WNT3A: variants seen among roughly 807,000 people sequenced by gnomAD.
WNT3A encodes the protein protein Wnt-3a.
In WNT3A, 17 loss-of-function variants were observed where a neutral mutation model predicts 37.0. That is an observed-to-expected ratio of 0.46 (90% CI 0.31 to 0.69). The LOEUF (loss-of-function observed/expected upper bound fraction) is 0.69, where lower values mean the gene tolerates loss of function less well. WNT3A is among the 30% of genes least tolerant of loss of function. The pLI is 0.05. For synonymous variants in WNT3A, 187 were observed against 211.0 expected, an observed-to-expected ratio of 0.89 and a Z score of 0.99; for missense variants, 411 against 510.2, an observed-to-expected ratio of 0.81 and a Z score of 1.87.
intron 3 of WNT3A, among the ~76,000 whole-genome samples, chr1:228,056,958 T>C (rs892241579): frequency 6.6e-6 from 1 of 152,194 alleles, no homozygotes; most frequent in Non-Finnish European, 1.5e-5. Context: ...GTAGAAAAGA[T>C]TGTTTTTAGA....
chr1:228,024,439 T>C (rs1230504894), intron 2 of WNT3A, among the ~76,000 whole-genome samples: 1 of 152,258 alleles, frequency 6.6e-6, no homozygotes, highest in Non-Finnish European at 1.5e-5. Context: ...CACCATTTCA[T>C]GGGCTTTGGG....
At chr1:228,054,200 T>C (rs981931947) in intron 3 of WNT3A, among the ~76,000 whole-genome samples, 6 of 152,160 alleles carry the variant, frequency 3.9e-5, no homozygotes, top group Admixed American at 3.9e-4. Context: ...TCTCAAAACC[T>C]GAACTTGGAT....
At position 228,060,082 on chromosome 1, in the gene WNT3A, T is replaced by A; in HGVS notation, c.*617T>A. ...TGGCTCTGGGTGGGCGTGGCCTGCA[T>A]AGGCTCCTTCCTGTGGGTGGGGCTT... On this transcript the variant is annotated 3_prime_UTR_variant, in exon 4 of 4. Coordinates refer to ENST00000284523, the MANE Select transcript of WNT3A (RefSeq NM_033131.4). 1 of 1,235,686 alleles carries A rather than the reference T, an allele frequency of 8.1e-7. No homozygotes were observed. Among genetic ancestry groups the A allele is most frequent in the Non-Finnish European group, 1.0e-6 (1 of 962,478 alleles). 76.5% of individuals were successfully genotyped at this position (1,235,686 alleles called of 1,614,324 possible).
At chr1:228,052,699 G>A (rs2031581604) in intron 3 of WNT3A, among the ~76,000 whole-genome samples, 1 of 152,214 alleles carries the variant, frequency 6.6e-6, no homozygotes, top group Non-Finnish European at 1.5e-5. Context: ...TTTTAACAGT[G>A]AGGAACTAGA....
At chr1:228,029,749 C>T (rs554758294) in intron 2 of WNT3A, among the ~76,000 whole-genome samples, 9 of 151,320 alleles carry the variant, frequency 5.9e-5, no homozygotes, top group African/African-American at 1.9e-4. Flanking sequence ...CACCCCCCCC[C>T]CAATTCCTAC....
chr1:228,007,759 C>T lies in WNT3A; in HGVS notation c.71+560C>T, dbSNP rs2030243858. ...GCGGCGGGGCGCACTGGGGGCCGGC[C>T]CTGGGCCCCGCGCGCCTCCCCGCCG... On this transcript the variant is annotated intron_variant, in intron 1 of 3. Transcript: ENST00000284523. This position sits in a 1 kb window ranked among gnomAD's most constrained non-coding sequence, Gnocchi z 6.0. Among the ~76,000 whole-genome samples, 2 of 152,030 alleles carry T rather than the reference C, an allele frequency of 1.3e-5. No individual in the cohort carries two copies. The highest frequency in any genetic ancestry group is 6.6e-5 in the Admixed American group (1 of 15,262).
intron 1 of WNT3A, among the ~76,000 whole-genome samples, chr1:228,011,959 A>G (rs1300456480): frequency 1.3e-5 from 2 of 152,212 alleles, no homozygotes; most frequent in Non-Finnish European, 2.9e-5. Context: ...CAGAGTGCAA[A>G]GCTCCTCCTG....
At chr1:228,054,628 A>G (rs1192249969) in intron 3 of WNT3A, among the ~76,000 whole-genome samples, 1 of 110,076 alleles carries the variant, frequency 9.1e-6, no homozygotes, top group Non-Finnish European at 1.9e-5. Flanking sequence ...ACTCTGTCTC[A>G]AAAAAAAAAA....
At chr1:228,027,782 G>T (rs2030888633) in intron 2 of WNT3A, among the ~76,000 whole-genome samples, 1 of 152,108 alleles carries the variant, frequency 6.6e-6, no homozygotes, top group South Asian at 2.1e-4. Context: ...ATTCAATTAG[G>T]TCCCATTTAT....
chr1:228,043,056 A>T (rs2031326769), intron 2 of WNT3A, among the ~76,000 whole-genome samples: 2 of 151,262 alleles, frequency 1.3e-5, no homozygotes. Flanking sequence ...ACGATAGATG[A>T]ATGGATAGAT....
chr1:228,044,613 A>G (rs2031359902), intron 2 of WNT3A, among the ~76,000 whole-genome samples: 1 of 152,202 alleles, frequency 6.6e-6, no homozygotes. Context: ...GCCTTCATGC[A>G]TCATCCCTGG....
rs767574581 is a variant in WNT3A at position 228,008,225 on chromosome 1, C to A, written c.71+1026C>A. 1.3e-5 allele frequency among the ~76,000 whole-genome samples: 2 copies of A among 152,154 alleles called. No individual in the cohort carries two copies. Among genetic ancestry groups the A allele is most frequent in the African/African-American group, 4.8e-5 (2 of 41,430 alleles). Reference sequence around the variant, plus strand: ...TGTGGGCGCGCAGGGCCGGGCGCAGCGCTGGTAGGACCCACAGTTGGAGAG... The same window carrying A: ...TGTGGGCGCGCAGGGCCGGGCGCAGAGCTGGTAGGACCCACAGTTGGAGAG... On this transcript the variant is annotated intron_variant, in intron 1 of 3. Transcript: ENST00000284523. This position sits in a 1 kb window ranked among gnomAD's most constrained non-coding sequence, Gnocchi z 4.9.
intron 3 of WNT3A, among the ~76,000 whole-genome samples, chr1:228,056,354 G>C (rs2031683141): frequency 6.6e-6 from 1 of 152,162 alleles, no homozygotes; most frequent in South Asian, 2.1e-4. Context: ...TTCGAAAGAT[G>C]ATCATTAATA....
At chr1:228,044,353 C>G (rs1468416572) in intron 2 of WNT3A, among the ~76,000 whole-genome samples, 1 of 152,192 alleles carries the variant, frequency 6.6e-6, no homozygotes, top group Non-Finnish European at 1.5e-5. Flanking sequence ...GGACGTCACT[C>G]AGCTTTCCTT....
chr1:228,036,101 C>T (rs1050028588), intron 2 of WNT3A, among the ~76,000 whole-genome samples: 3 of 152,170 alleles, frequency 2.0e-5, no homozygotes, highest in Admixed American at 1.3e-4. Context: ...TCTCCATAAT[C>T]ATATGATTGG....
At chr1:228,029,215 C>T (rs937939208) in intron 2 of WNT3A, among the ~76,000 whole-genome samples, 33 of 152,296 alleles carry the variant, frequency 2.2e-4, no homozygotes, top group African/African-American at 7.9e-4. Flanking sequence ...CGGTACTAAC[C>T]GTTTGTGTCT....
chr1:228,009,209 G>A (rs1307513192), intron 1 of WNT3A, among the ~76,000 whole-genome samples: 1 of 152,018 alleles, frequency 6.6e-6, no homozygotes, highest in Non-Finnish European at 1.5e-5. Context: ...GGCTCCCTGG[G>A]GACAAGTCTG....
Position 228,059,760 on chromosome 1 carries a change from C to G in WNT3A, c.*295C>G. Reference sequence around the variant, plus strand: ...GGGACGGGGCTCCCCTGGACAGAGGCGGGGCTACAGATTGGGCGGGGCTTC... The same window carrying G: ...GGGACGGGGCTCCCCTGGACAGAGGGGGGGCTACAGATTGGGCGGGGCTTC... On this transcript the variant is annotated 3_prime_UTR_variant, in exon 4 of 4. Transcript: ENST00000284523. 1 of 1,164,688 alleles carries G rather than the reference C, an allele frequency of 8.6e-7. No individual in the cohort carries two copies. Among genetic ancestry groups the G allele is most frequent in the Non-Finnish European group, 1.1e-6 (1 of 943,826 alleles). 72.1% of individuals were successfully genotyped at this position (1,164,688 alleles called of 1,614,324 possible).
At chr1:228,043,566 C>T (rs2031337655) in intron 2 of WNT3A, among the ~76,000 whole-genome samples, 1 of 152,208 alleles carries the variant, frequency 6.6e-6, no homozygotes. Flanking sequence ...TCAACAAAAG[C>T]AGAAACCCCT....
Sources: gnomAD v4.1 joint callset for allele counts (sites outside exome capture counted in the v4.1 genomes callset) on GRCh38, gnomAD v4.1.1 for gene constraint, Gnocchi (gnomAD v3.1) non-coding constraint, MANE v1.5 for transcripts, NCBI Gene and HGNC (gene_info 2026-07-23, HGNC 2026-07-21) for gene names.